RHD: variants seen among roughly 807,000 people sequenced by gnomAD.
RHD encodes blood group Rh(D) polypeptide.
RHD carries 16 observed loss-of-function variants against 45.5 expected under a neutral mutation model. The ratio of observed to expected loss-of-function variants is 0.35; its 90% confidence interval spans 0.24 to 0.53. RHD has a LOEUF of 0.53. Ranked by LOEUF, RHD falls within the 20% of genes least tolerant of loss-of-function variation. The pLI is 0.92. For synonymous variants in RHD, 131 were observed against 217.5 expected, an observed-to-expected ratio of 0.60 and a Z score of 3.50; for missense variants, 306 against 532.0, an observed-to-expected ratio of 0.58 and a Z score of 4.18.
chr1:25,283,387 C>T lies in RHD; in HGVS notation c.149-1186C>T, dbSNP rs1357861299. ...CTCTATTAAAAATACAAAAATTAGC[C>T]GGGCACGGTGGCAGGCACCTGTAAT... On this transcript the variant is annotated intron_variant, in intron 1 of 9. Transcript: ENST00000328664. 1.9e-4 allele frequency among the ~76,000 whole-genome samples: 25 copies of T among 130,874 alleles called. 6 individuals are homozygous for T. Among genetic ancestry groups the T allele is most frequent in the Non-Finnish European group, 3.8e-4 (21 of 55,410 alleles). The allele number at this position is 130,874 out of a possible 152,430, so 85.9% of individuals were successfully genotyped here.
At chr1:25,299,022 G>T (rs1643160583) in intron 3 of RHD, among the ~76,000 whole-genome samples, 1 of 120,232 alleles carries the variant, frequency 8.3e-6, no homozygotes, top group Non-Finnish European at 2.0e-5. Context: ...GCAGGGTGCT[G>T]GGAGGGCTGT....
In RHD at chr1:25,281,181, C is replaced by A. The variant is rs1641462085; in HGVS notation, c.149-3392C>A. Among the ~76,000 whole-genome samples, 2 of 132,086 alleles carry A rather than the reference C, an allele frequency of 1.5e-5. 1 individual carries two copies. Among genetic ancestry groups the A allele is most frequent in the South Asian group, 4.6e-4 (2 of 4,340 alleles). The allele number at this position is 132,086 out of a possible 152,430, so 86.7% of individuals were successfully genotyped here. ...AGGACATAGTTCCAGGCATTCAGAG[C>A]TGGGCTCTGCTGCCGGCATGTTTGG... On this transcript the variant is annotated intron_variant, in intron 1 of 9. Transcript: ENST00000328664.
At chr1:25,296,285 C>T (rs1642952565) in intron 3 of RHD, among the ~76,000 whole-genome samples, 1 of 128,366 alleles carries the variant, frequency 7.8e-6, no homozygotes, top group Non-Finnish European at 1.8e-5. Context: ...CTCCATCAAT[C>T]ACCCAGGCTG....
chr1:25,274,735 C>T lies in RHD; in HGVS notation c.148+2040C>T, dbSNP rs553014286. ...AAAGGGGAAACAAAGGGCCGGGCGACGTGGCTCACGCCTGTAATCCCGGCA... is the reference window on the plus strand; with the variant it reads ...AAAGGGGAAACAAAGGGCCGGGCGATGTGGCTCACGCCTGTAATCCCGGCA... On this transcript the variant is annotated intron_variant, in intron 1 of 9. Transcript: ENST00000328664. Among the ~76,000 whole-genome samples, 8 of 133,958 alleles carry T rather than the reference C, an allele frequency of 6.0e-5. 3 individuals are homozygous for T. In the South Asian group the frequency reaches 6.8e-4, roughly 11 times the overall value. 87.9% of individuals were successfully genotyped at this position (133,958 alleles called of 152,430 possible). A position where few individuals can be genotyped will look rare whatever the true frequency, so the allele number is the denominator to read the frequency against.
chr1:25,280,638 T>C (rs1641410577), intron 1 of RHD, among the ~76,000 whole-genome samples: 2 of 96,868 alleles, frequency 2.1e-5, no homozygotes, highest in South Asian at 6.9e-4. Context: ...AAACAGGGTC[T>C]CCCTCTGTCA....
In RHD at chr1:25,315,574, G is replaced by A. The variant is rs1418191087; in HGVS notation, c.1074-1426G>A. On this transcript the variant is annotated intron_variant, in intron 7 of 9. Transcript: ENST00000328664. ...TGCAGTGGCGTGATCTCAGCTCACTGCAAACTCCACCTCCCAGGTTCACGC... is the reference window on the plus strand; with the variant it reads ...TGCAGTGGCGTGATCTCAGCTCACTACAAACTCCACCTCCCAGGTTCACGC... Among the ~76,000 whole-genome samples, 2 of 121,352 alleles carry A rather than the reference G, an allele frequency of 1.6e-5. 1 individual carries two copies. Among genetic ancestry groups the A allele is most frequent in the South Asian group, 5.1e-4 (2 of 3,940 alleles). 79.6% of individuals were successfully genotyped at this position (121,352 alleles called of 152,430 possible).
chr1:25,312,615 T>G (rs1644206177), intron 7 of RHD, among the ~76,000 whole-genome samples: 1 of 129,220 alleles, frequency 7.7e-6, no homozygotes, highest in African/African-American at 2.6e-5. Flanking sequence ...CCAGGTATTG[T>G]GGCATATACC....
rs746824007 is a variant in RHD at position 25,301,037 on chromosome 1, A to AG, written c.581dup (p.Thr195AsnfsTer4). The AG allele has an allele frequency of 1.5e-5, 21 of 1,377,258 alleles. No individual in the cohort carries two copies. The Admixed American group carries it at 3.7e-4, about 25-fold the overall frequency. 85.3% of individuals were successfully genotyped at this position (1,377,258 alleles called of 1,614,324 possible). A position where few individuals can be genotyped will look rare whatever the true frequency, so the allele number is the denominator to read the frequency against. ...TGGTGCCTGCCAAAGCCTCTACCCGAGGGAACGGAGGATAAAGATCAGACA... is the reference window on the plus strand; with the variant it reads ...TGGTGCCTGCCAAAGCCTCTACCCGAGGGGAACGGAGGATAAAGATCAGACA... On this transcript the variant is annotated frameshift_variant, in exon 4 of 10. Transcript: ENST00000328664. LOFTEE classifies it high-confidence loss of function.
chr1:25,286,647 G>A (rs560596376), intron 2 of RHD, among the ~76,000 whole-genome samples: 10 of 134,238 alleles, frequency 7.4e-5, no homozygotes, highest in East Asian at 3.9e-4. Context: ...TTAGCCGGGC[G>A]TGGTGGTGGG....
intron 7 of RHD, among the ~76,000 whole-genome samples, chr1:25,315,641 C>T (rs113415136): frequency 0.023 from 2,942 of 126,320 alleles, 473 homozygotes; most frequent in African/African-American, 0.074. Context: ...GGACTACAGG[C>T]GCCTGCCACC....
chr1:25,315,205 C>T (rs1644376544), intron 7 of RHD, among the ~76,000 whole-genome samples: 1 of 129,404 alleles, frequency 7.7e-6, no homozygotes, highest in Non-Finnish European at 1.8e-5. Context: ...TGATTTTTTT[C>T]CTAAAAATCA....
intron 5 of RHD, among the ~76,000 whole-genome samples, chr1:25,302,495 A>G (rs1643465905): frequency 7.7e-6 from 1 of 129,674 alleles, no homozygotes. Context: ...GGTGACAGAA[A>G]GTCTAAGACA....
intron 9 of RHD, among the ~76,000 whole-genome samples, chr1:25,322,500 C>G (rs1286195977): frequency 7.6e-6 from 1 of 132,212 alleles, no homozygotes. Flanking sequence ...TGTCGAAACC[C>G]CATCTCTACT....
rs866273722 is a variant in RHD at position 25,299,254 on chromosome 1, T to C, written c.487-1692T>C. ...AAAATTAGCCGGGCACGGTGGTGGG[T>C]GCCTGTAATCCCAGCTACTTGGGAG... On this transcript the variant is annotated intron_variant, in intron 3 of 9. Coordinates refer to ENST00000328664, the MANE Select transcript of RHD (RefSeq NM_016124.6). 2.7e-3 allele frequency among the ~76,000 whole-genome samples: 341 copies of C among 127,214 alleles called. 22 individuals carry two copies. The highest frequency in any genetic ancestry group is 0.012 in the Middle Eastern group (3 of 244). The allele number at this position is 127,214 out of a possible 152,430, so 83.5% of individuals were successfully genotyped here. A position where few individuals can be genotyped will look rare whatever the true frequency, so the allele number is the denominator to read the frequency against.
At position 25,293,757 on chromosome 1, in the gene RHD, T is replaced by A. The variant is rs540476390; in HGVS notation, c.486+2966T>A. ...ACACTGTCTAATTTTCTGCAAAGTTTTTATTCATGAATTAAGAGTATTTCC... is the reference window on the plus strand; with the variant it reads ...ACACTGTCTAATTTTCTGCAAAGTTATTATTCATGAATTAAGAGTATTTCC... On this transcript the variant is annotated intron_variant, in intron 3 of 9. Coordinates refer to ENST00000328664, the MANE Select transcript of RHD (RefSeq NM_016124.6). Among the ~76,000 whole-genome samples the A allele has an allele frequency of 3.0e-5, 4 of 132,450 alleles. 1 individual carries two copies. The highest frequency in any genetic ancestry group is 7.1e-5 in the Non-Finnish European group (4 of 56,082). 86.9% of individuals were successfully genotyped at this position (132,450 alleles called of 152,430 possible). A position where few individuals can be genotyped will look rare whatever the true frequency, so the allele number is the denominator to read the frequency against.
intron 8 of RHD, among the ~76,000 whole-genome samples, chr1:25,321,123 T>G (rs1422251553): frequency 7.6e-6 from 1 of 130,820 alleles, no homozygotes; most frequent in Non-Finnish European, 1.8e-5. Context: ...TATAAGCTAC[T>G]TTCCTAACTA....
Position 25,309,533 on chromosome 1 carries a change from T to C in RHD, c.1073+2804T>C, listed in dbSNP as rs1315001063. ...AACTCAGTTTTCTTTTAAATTCAAT[T>C]ATTTAAATGTAAAAATAAGTCTATT... is the stretch of plus-strand genomic sequence containing the variant. On this transcript the variant is annotated intron_variant, in intron 7 of 9. Coordinates refer to ENST00000328664, the MANE Select transcript of RHD (RefSeq NM_016124.6). 2.3e-5 allele frequency among the ~76,000 whole-genome samples: 3 copies of C among 132,232 alleles called. 1 individual carries two copies. Among genetic ancestry groups the C allele is most frequent in the African/African-American group, 7.8e-5 (3 of 38,246 alleles). The allele number at this position is 132,232 out of a possible 152,430, so 86.7% of individuals were successfully genotyped here.
At position 25,285,134 on chromosome 1, in the gene RHD, A is replaced by ATTTT. The variant is rs869147845; in HGVS notation, c.335+389_335+392dup. On this transcript the variant is annotated intron_variant, in intron 2 of 9. Transcript: ENST00000328664. ...CATGCCACACCTAGAGAGACATTCTATTTTTTTTTTTTTTTTTGAGACGGA... is the reference window on the plus strand; with the variant it reads ...CATGCCACACCTAGAGAGACATTCTATTTTTTTTTTTTTTTTTTTTTGAGACGGA... Among the ~76,000 whole-genome samples, 361 of 120,752 alleles carry ATTTT rather than the reference A, an allele frequency of 3.0e-3. 21 individuals carry two copies. Among genetic ancestry groups the ATTTT allele is most frequent in the African/African-American group, 9.5e-3 (318 of 33,552 alleles). 79.2% of individuals were successfully genotyped at this position (120,752 alleles called of 152,430 possible).
In RHD at chr1:25,281,107, A is replaced by T. The variant is rs540352524; in HGVS notation, c.149-3466A>T. ...GAGGGTAATGGACTTGCCTAAGATC[A>T]CTTAGTGAGGTGAGAGAAGAAAGAG... is the stretch of plus-strand genomic sequence containing the variant. On this transcript the variant is annotated intron_variant, in intron 1 of 9. Transcript: ENST00000328664. Among the ~76,000 whole-genome samples the T allele has an allele frequency of 2.3e-5, 3 of 132,640 alleles. 1 individual carries two copies. Among genetic ancestry groups the T allele is most frequent in the Non-Finnish European group, 5.4e-5 (3 of 56,050 alleles). The allele number at this position is 132,640 out of a possible 152,430, so 87.0% of individuals were successfully genotyped here. A position where few individuals can be genotyped will look rare whatever the true frequency, so the allele number is the denominator to read the frequency against.
Sources: gnomAD v4.1 joint callset for allele counts (sites outside exome capture counted in the v4.1 genomes callset) on GRCh38, gnomAD v4.1.1 for gene constraint, MANE v1.5 for transcripts, NCBI Gene and HGNC (gene_info 2026-07-23, HGNC 2026-07-21) for gene names.